PCDH15: variants seen among roughly 807,000 people sequenced by gnomAD.
The protein encoded by PCDH15 is protocadherin-15.
In PCDH15, 129 loss-of-function variants were observed where a neutral mutation model predicts 178.5. The observed-to-expected ratio is 0.72, with a 90% CI of 0.63 to 0.84. The LOEUF is 0.84. PCDH15 is among the 40% of genes least tolerant of loss of function. The pLI, the probability that PCDH15 is intolerant of heterozygous loss-of-function variation, is 0.00. For synonymous variants in PCDH15, 800 were observed against 732.0 expected (o/e 1.09, Z -1.50); for missense variants, 2,230 against 2,099.9 (o/e 1.06, Z -1.21).
intron 2 of PCDH15, among the ~76,000 whole-genome samples, chr10:55,015,644 T>A (rs1840156241): frequency 6.6e-6 from 1 of 152,102 alleles, no homozygotes; most frequent in African/African-American, 2.4e-5. Flanking sequence ...CTGGGTAATT[T>A]ATGAAGAGTT....
At chr10:54,519,075 G>T (rs186463332) in intron 3 of PCDH15, among the ~76,000 whole-genome samples, 18 of 152,164 alleles carry the variant, frequency 1.2e-4, no homozygotes, top group Admixed American at 5.2e-4. Context: ...AATAATAAGC[G>T]CTATCTATGA....
intron 2 of PCDH15, among the ~76,000 whole-genome samples, chr10:54,537,929 G>C (rs1488546970): frequency 6.6e-6 from 1 of 152,032 alleles, no homozygotes; most frequent in Non-Finnish European, 1.5e-5. Context: ...AGAGAAGTCT[G>C]TTCATGTCTT....
chr10:53,823,175 A>T (rs182383209), intron 32 of PCDH15: 83 of 1,614,004 alleles, frequency 5.1e-5, no homozygotes, highest in Non-Finnish European at 6.9e-5. Flanking sequence ...CATCCTCATC[A>T]GATAGAAATG....
At chr10:54,510,240 C>T (rs2081530712) in intron 3 of PCDH15, among the ~76,000 whole-genome samples, 1 of 152,150 alleles carries the variant, frequency 6.6e-6, no homozygotes, top group Admixed American at 6.6e-5. Context: ...TTGACATCAG[C>T]AGAACTTTGA....
intron 24 of PCDH15, among the ~76,000 whole-genome samples, chr10:53,939,863 C>T (rs1158194848): frequency 1.3e-5 from 2 of 151,976 alleles, no homozygotes; most frequent in African/African-American, 2.4e-5. Context: ...GAGAAAGTTT[C>T]GGGACGGAAC....
In PCDH15 at chr10:54,562,138, C is replaced by T. The variant is rs540936946; in HGVS notation, c.92-34261G>A. 5.2e-4 allele frequency among the ~76,000 whole-genome samples: 79 copies of T among 151,776 alleles called. 1 individual carries two copies. The South Asian group carries it at 0.015, about 28-fold the overall frequency. On this transcript the variant is annotated intron_variant, in intron 2 of 37. Coordinates refer to ENST00000644397, the MANE Select transcript of PCDH15 (RefSeq NM_001384140.1). ...CCCAAGTAGCTGTGAATACAGGCGC[C>T]TACCACCACACCCAGCTAATTTTTG...
chr10:55,241,211 A>G (rs1413146458), intron 1 of PCDH15, among the ~76,000 whole-genome samples: 1 of 152,162 alleles, frequency 6.6e-6, no homozygotes, highest in Non-Finnish European at 1.5e-5. Context: ...GCAAGACTCC[A>G]TGTCAAAAAC....
intron 2 of PCDH15, among the ~76,000 whole-genome samples, chr10:55,150,705 C>T (rs2799590): frequency 0.21 from 31,251 of 151,924 alleles, 4,044 homozygotes; most frequent in Non-Finnish European, 0.27. Context: ...TACTCCTTGA[C>T]GGTAGAGATA....
At chr10:54,054,902 C>T (rs1255925804) in intron 18 of PCDH15, among the ~76,000 whole-genome samples, 2 of 152,086 alleles carry the variant, frequency 1.3e-5, no homozygotes, top group Non-Finnish European at 2.9e-5. Flanking sequence ...TCCCCACTTG[C>T]AGCCCACTTA....
chr10:54,052,794 T>C (rs1263034701), intron 18 of PCDH15, among the ~76,000 whole-genome samples: 2 of 152,264 alleles, frequency 1.3e-5, no homozygotes, highest in Non-Finnish European at 2.9e-5. Context: ...CCTTGAATTT[T>C]AGTTCCCATA....
chr10:54,343,674 A>C (rs1053238699), intron 6 of PCDH15, among the ~76,000 whole-genome samples: 2 of 151,968 alleles, frequency 1.3e-5, no homozygotes, highest in Non-Finnish European at 2.9e-5. Flanking sequence ...GAGGGACAGC[A>C]TTAGGAGATA....
chr10:54,103,172 A>G (rs553651993), intron 15 of PCDH15, among the ~76,000 whole-genome samples: 1 of 152,290 alleles, frequency 6.6e-6, no homozygotes, highest in African/African-American at 2.4e-5. Context: ...CTGTTTTTAT[A>G]ATTCAAATTA....
At chr10:55,011,514 C>A (rs1254503196) in intron 2 of PCDH15, among the ~76,000 whole-genome samples, 1 of 152,048 alleles carries the variant, frequency 6.6e-6, no homozygotes, top group African/African-American at 2.4e-5. Flanking sequence ...CCCTGATACA[C>A]AGATTTATAT....
At chr10:54,573,676 C>T (rs975009607) in intron 2 of PCDH15, among the ~76,000 whole-genome samples, 2 of 121,346 alleles carry the variant, frequency 1.6e-5, no homozygotes, top group Non-Finnish European at 3.5e-5. Context: ...TAGGTCACAG[C>T]TTCTATTAGG....
chr10:53,857,719 T>C (rs545643316), intron 27 of PCDH15, among the ~76,000 whole-genome samples: 1 of 152,214 alleles, frequency 6.6e-6, no homozygotes, highest in South Asian at 2.1e-4. Context: ...TCATCACATA[T>C]AGTTTTCTTG....
At chr10:54,399,070 C>T (rs1179652100) in intron 3 of PCDH15, among the ~76,000 whole-genome samples, 2 of 152,036 alleles carry the variant, frequency 1.3e-5, no homozygotes, top group Non-Finnish European at 2.9e-5. Flanking sequence ...GTGTTCCTTT[C>T]TGATTTTCTC....
chr10:54,384,418 T>C (rs1282024194), intron 3 of PCDH15, among the ~76,000 whole-genome samples: 1 of 152,098 alleles, frequency 6.6e-6, no homozygotes, highest in Non-Finnish European at 1.5e-5. Context: ...TGTTGTTAGA[T>C]ATGTGATTTA....
intron 1 of PCDH15, among the ~76,000 whole-genome samples, chr10:55,314,395 C>G (rs1222618283): frequency 1.3e-5 from 2 of 151,736 alleles, no homozygotes; most frequent in African/African-American, 4.8e-5. Context: ...TAATAATTGT[C>G]AAGAAAAGAC....
intron 2 of PCDH15, among the ~76,000 whole-genome samples, chr10:55,039,167 T>C (rs1840806930): frequency 6.6e-6 from 1 of 151,586 alleles, no homozygotes; most frequent in South Asian, 2.1e-4. Context: ...GAAATTAGAT[T>C]GGAAAAAACA....
Sources: gnomAD v4.1 joint callset for allele counts (sites outside exome capture counted in the v4.1 genomes callset) on GRCh38, gnomAD v4.1.1 for gene constraint, MANE v1.5 for transcripts, NCBI Gene and HGNC (gene_info 2026-07-23, HGNC 2026-07-21) for gene names.